The following MYH13 variants were observed in gnomAD, a reference collection of about 807,000 sequenced individuals.
The protein encoded by MYH13 is myosin heavy chain 13.
MYH13 carries 177 observed loss-of-function variants against 232.1 expected under a neutral mutation model. The ratio of observed to expected loss-of-function variants is 0.76; its 90% CI spans 0.67 to 0.86. MYH13 has a LOEUF of 0.86. MYH13 is among the 40% of genes least tolerant of loss of function. The probability of loss-of-function intolerance (pLI) is 0.00; values close to 1 mark genes in which losing one functional copy is unlikely to be tolerated. For synonymous variants in MYH13, 884 were observed against 923.5 expected (o/e 0.96, Z 0.78); for missense variants, 2,246 against 2,405.9 (o/e 0.93, Z 1.39).
intron 23 of MYH13, among the ~76,000 whole-genome samples, chr17:10,322,776 GGC>G (rs1907013370): frequency 6.6e-6 from 1 of 151,916 alleles, no homozygotes; most frequent in East Asian, 1.9e-4. Context: ...TGGGACTACA[GGC>G]GTCCGCCACC....
At position 10,304,262 on chromosome 17, in the gene MYH13, T is replaced by C. The variant is rs1039390620; in HGVS notation, c.5467-764A>G. Among the ~76,000 whole-genome samples, 1 of 152,144 alleles carries C rather than the reference T, an allele frequency of 6.6e-6. No individual in the cohort carries two copies. Among genetic ancestry groups the C allele is most frequent in the African/African-American group, 2.4e-5 (1 of 41,440 alleles). ...GCACATGTACCCCAGAACTTAAAGT[T>C]AGAACAAAAAACGATCCCCTAATGG... On this transcript the variant is annotated intron_variant, in intron 37 of 40. Coordinates refer to ENST00000252172, the MANE Select transcript of MYH13 (RefSeq NM_003802.3). The surrounding 1 kb of genome is among the most constrained non-coding windows in gnomAD (Gnocchi z 5.3).
intron 35 of MYH13, among the ~76,000 whole-genome samples, chr17:10,308,225 GAGGCA>G (rs754697542): frequency 7.9e-5 from 12 of 151,526 alleles, no homozygotes; most frequent in Non-Finnish European, 1.3e-4. Context: ...TCAGGAGGCT[GAGGCA>G]GGAGAATCGC....
chr17:10,310,841 AT>A (rs1206709599), intron 33 of MYH13, among the ~76,000 whole-genome samples: 1 of 152,200 alleles, frequency 6.6e-6, no homozygotes, highest in Non-Finnish European at 1.5e-5. Context: ...ATGTTAGGTG[AT>A]TGATTTTCTG....
chr17:10,353,387 C>G (rs1210271871), intron 11 of MYH13, among the ~76,000 whole-genome samples: 1 of 152,122 alleles, frequency 6.6e-6, no homozygotes, highest in African/African-American at 2.4e-5. Flanking sequence ...GGAAATGTCA[C>G]CAAATGAAGG....
chr17:10,369,909 A>G (rs1162144481), intron 2 of MYH13, among the ~76,000 whole-genome samples: 1 of 152,242 alleles, frequency 6.6e-6, no homozygotes, highest in East Asian at 1.9e-4. Context: ...CCATTTGAAC[A>G]GCAGAAAGAG....
Position 10,311,150 on chromosome 17 carries a change from C to G in MYH13, c.4609G>C (p.Val1537Leu). The change falls in exon 33 of 41, where the codon GTG becomes CTG. Residue 1537 changes from valine to leucine, a missense_variant. Coordinates refer to ENST00000252172, the MANE Select transcript of MYH13 (RefSeq NM_003802.3). ...LQEAEKTKKLVEQEKSDLQVA... is the reference protein window; with the variant it reads ...LQEAEKTKKLLEQEKSDLQVA... The stretch of plus-strand genomic sequence containing the variant: ...TGCAGATCTGACTTTTCCTGCTCCA[C>G]TAGCTTCTTGGTCTTTTCCGCTTCC... 1.2e-6 allele frequency: 2 copies of G among 1,614,084 alleles called. No homozygotes were observed. Among genetic ancestry groups the G allele is most frequent in the African/African-American group, 1.3e-5 (1 of 75,070 alleles).
intron 18 of MYH13, among the ~76,000 whole-genome samples, chr17:10,339,732 A>G (rs1193064915): frequency 6.6e-6 from 1 of 152,226 alleles, no homozygotes; most frequent in Admixed American, 6.5e-5. Flanking sequence ...AACAATGAAT[A>G]CTTTTTTAGA....
At position 10,306,813 on chromosome 17, in the gene MYH13, T is replaced by C; in HGVS notation, c.5295+126A>G. 1 of 1,549,596 alleles carries C rather than the reference T, an allele frequency of 6.5e-7. No homozygotes were observed. Among genetic ancestry groups the C allele is most frequent in the Non-Finnish European group, 8.7e-7 (1 of 1,152,066 alleles). ...TGCTGAGACTGTACCTCATTACATC[T>C]GTCTGGGAAGCCACCACTAACCGAT... On this transcript the variant is annotated intron_variant, in intron 36 of 40. Coordinates refer to ENST00000252172, the MANE Select transcript of MYH13 (RefSeq NM_003802.3). The surrounding 1 kb of genome is among the most constrained non-coding windows in gnomAD (Gnocchi z 4.3).
intron 31 of MYH13, 127 bp downstream of exon 31, chr17:10,312,447 G>A: frequency 8.8e-7 from 1 of 1,140,726 alleles, no homozygotes; most frequent in South Asian, 1.6e-5. Flanking sequence ...TGAAACTGTT[G>A]TTTTCACCAC....
chr17:10,332,537 G>A (rs1907445691), intron 19 of MYH13, among the ~76,000 whole-genome samples: 1 of 152,204 alleles, frequency 6.6e-6, no homozygotes, highest in African/African-American at 2.4e-5. Flanking sequence ...ACCGTGACCT[G>A]TAGGCCGTGG....
chr17:10,322,268 G>T (rs140660985), intron 23 of MYH13, among the ~76,000 whole-genome samples: 5 of 151,972 alleles, frequency 3.3e-5, no homozygotes, highest in Middle Eastern at 3.2e-3. Flanking sequence ...CATGGTGGTG[G>T]GCACCTGTAG....
chr17:10,301,885 A>G (rs1337269385), intron 39 of MYH13, among the ~76,000 whole-genome samples, 182 bp from the exon 40 acceptor site: 1 of 152,180 alleles, frequency 6.6e-6, no homozygotes, highest in Non-Finnish European at 1.5e-5. Context: ...GACCATGTGT[A>G]CTGCCTCGGA....
chr17:10,325,460 T>G (rs1420433035), intron 22 of MYH13, among the ~76,000 whole-genome samples: 2 of 152,228 alleles, frequency 1.3e-5, no homozygotes, highest in Non-Finnish European at 2.9e-5. Flanking sequence ...ATTATAGGCA[T>G]GAGCCACCAG....
At chr17:10,301,527 C>G (rs1906089869) in intron 40 of MYH13, 42 bp downstream of exon 40, 1 of 1,611,614 alleles carries the variant, frequency 6.2e-7, no homozygotes, top group South Asian at 1.1e-5. Context: ...TATTCAATAT[C>G]TGTTCTTAGC....
chr17:10,320,169 T>A lies in MYH13; in HGVS notation c.3332A>T (p.Lys1111Met), dbSNP rs1477452228. ...EQVHSLQFQK[K>M]IKELQARIEE... is the part of the protein sequence containing the mutation. ...TGCTTTTACTTGCAGTTCTTTAATC[T>A]TCTTTTGAAACTGCAAACTGTGGAC... The change falls in exon 26 of 41, where the codon AAG (lysine) becomes ATG (methionine). Residue 1111 changes from lysine to methionine, a missense_variant. Coordinates refer to ENST00000252172, the MANE Select transcript of MYH13 (RefSeq NM_003802.3). 1.3e-6 allele frequency: 2 copies of A among 1,591,136 alleles called. No individual in the cohort carries two copies. Among genetic ancestry groups the A allele is most frequent in the Non-Finnish European group, 8.6e-7 (1 of 1,167,886 alleles).
chr17:10,346,730 T>C lies in MYH13; in HGVS notation c.1213A>G (p.Arg405Gly). 6.2e-7 allele frequency: 1 copy of C among 1,613,982 alleles called. No homozygotes were observed. Among genetic ancestry groups the C allele is most frequent in the Non-Finnish European group, 8.5e-7 (1 of 1,179,876 alleles). ...ACATATTCATTGCCAACCTTCACCC[T>C]TGGACAGCACAGGCCCTTCAGCATT... is the stretch of plus-strand genomic sequence containing the variant. ...AEMLKGLCCPRVKVGNEYVTK... is the reference protein window; with the variant it reads ...AEMLKGLCCPGVKVGNEYVTK... The change falls in exon 13 of 41, where the codon AGG becomes GGG. Residue 405 changes from arginine (R) to glycine (G), a missense_variant. By Grantham distance (125) the Arg-to-Gly change is moderately radical (BLOSUM62 -2). Transcript: ENST00000252172.
chr17:10,312,882 A>G, intron 30 of MYH13, 125 bp from the exon 31 acceptor site: 2 of 1,195,644 alleles, frequency 1.7e-6, no homozygotes, highest in Non-Finnish European at 2.3e-6. Context: ...AAGACCTAGG[A>G]TTTGGTGAGT....
rs202035315 is a variant in MYH13, at chr17:10,301,721, G to C, written c.5668-18C>G. 11 of 1,612,056 alleles carry C rather than the reference G, an allele frequency of 6.8e-6. No individual in the cohort carries two copies. Among genetic ancestry groups the C allele is most frequent in the East Asian group, 6.7e-5 (3 of 44,862 alleles). ...TGCTCCTCCTGCACAGGAGACAGAG[G>C]GGGTATGACGCTGTAGAGCCTCTCA... On this transcript the variant is annotated intron_variant, in intron 39 of 40. Transcript: ENST00000252172.
At position 10,309,793 on chromosome 17, in the gene MYH13, A is replaced by T; in HGVS notation, c.4694T>A (p.Val1565Glu). The T allele has an allele frequency of 6.3e-7, 1 of 1,596,250 alleles. No individual in the cohort carries two copies. Residue 1565 changes from valine to glutamate, a missense_variant, in exon 34 of 41, where the codon GTG becomes GAG. Transcript: ENST00000252172. ...TTTCACCTGGCTCAGCTCTAGCTGC[A>T]CGCGCAAGATCTTGCTCTCCTCGTG... ...LEHEESKILR[V>E]QLELSQVKSE...
Sources: gnomAD v4.1 joint callset for allele counts (sites outside exome capture counted in the v4.1 genomes callset) on GRCh38, gnomAD v4.1.1 for gene constraint, Gnocchi (gnomAD v3.1) non-coding constraint, MANE v1.5 for transcripts, NCBI Gene and HGNC (gene_info 2026-07-23, HGNC 2026-07-21) for gene names.